The following CHCHD6 variants were observed in gnomAD, a reference collection of about 807,000 sequenced individuals.
CHCHD6 encodes the protein MICOS complex subunit MIC25.
CHCHD6 carries 28 observed loss-of-function variants against 32.3 expected under a neutral mutation model. That is an observed-to-expected ratio of 0.87 (90% confidence interval 0.64 to 1.19). The LOEUF is 1.19. CHCHD6 is among the 50% of genes most tolerant of loss of function. CHCHD6 has a pLI of 0.00. For synonymous variants in CHCHD6, 122 were observed against 117.5 expected, an observed-to-expected ratio of 1.04 and a Z score of -0.25; for missense variants, 333 against 307.0, an observed-to-expected ratio of 1.08 and a Z score of -0.63.
At chr3:126,872,393 A>C (rs1354268314) in intron 5 of CHCHD6, among the ~76,000 whole-genome samples, 1 of 152,150 alleles carries the variant, frequency 6.6e-6, no homozygotes, top group African/African-American at 2.4e-5. Context: ...TGCCAAGATG[A>C]AGAGATCCTA....
At chr3:126,771,569 T>C (rs576227599) in intron 4 of CHCHD6, among the ~76,000 whole-genome samples, 1 of 152,366 alleles carries the variant, frequency 6.6e-6, no homozygotes, top group South Asian at 2.1e-4. Flanking sequence ...GTCTATCTTA[T>C]TTATTTTTTC....
At chr3:126,897,532 G>A (rs888532374) in intron 5 of CHCHD6, among the ~76,000 whole-genome samples, 8 of 152,218 alleles carry the variant, frequency 5.3e-5, no homozygotes, top group African/African-American at 1.9e-4. Context: ...TGCAGAAAGT[G>A]TAGGCAGTTC....
At chr3:126,956,695 TTATCTA>T (rs10561277) in intron 6 of CHCHD6, among the ~76,000 whole-genome samples, 4,525 of 152,158 alleles carry the variant, frequency 0.03, 149 homozygotes, top group East Asian at 0.15. Context: ...TGACTTTAGT[TTATCTA>T]TATTTGCTCT....
At chr3:126,718,657 G>A (rs922115529) in intron 1 of CHCHD6, among the ~76,000 whole-genome samples, 3 of 152,166 alleles carry the variant, frequency 2.0e-5, no homozygotes, top group Non-Finnish European at 4.4e-5. Context: ...GCTGGAGGGT[G>A]GGCAGAGCTC....
At chr3:126,768,776 G>T (rs573010040) in intron 4 of CHCHD6, among the ~76,000 whole-genome samples, 1 of 152,202 alleles carries the variant, frequency 6.6e-6, no homozygotes, top group South Asian at 2.1e-4. Flanking sequence ...GTGTAAGATG[G>T]TATCTCATTT....
chr3:126,815,643 G>C (rs1318735973), intron 4 of CHCHD6, among the ~76,000 whole-genome samples: 2 of 127,634 alleles, frequency 1.6e-5, no homozygotes, highest in Admixed American at 7.9e-5. Context: ...GTGGGTTCTT[G>C]CCCCCCCCCC....
chr3:126,936,219 T>C (rs1004896637), intron 6 of CHCHD6, among the ~76,000 whole-genome samples: 7 of 152,210 alleles, frequency 4.6e-5, no homozygotes, highest in African/African-American at 1.7e-4. Context: ...GACAAGTGGC[T>C]CAACTGTGCT....
intron 4 of CHCHD6, among the ~76,000 whole-genome samples, chr3:126,795,049 A>T (rs1938728236): frequency 6.6e-6 from 1 of 152,124 alleles, no homozygotes. Context: ...ACAAGGAGGT[A>T]TGCCTCTCCT....
chr3:126,950,819 G>A (rs1437099139), intron 6 of CHCHD6, among the ~76,000 whole-genome samples: 1 of 152,214 alleles, frequency 6.6e-6, no homozygotes, highest in Non-Finnish European at 1.5e-5. Context: ...AGGAGAGGGT[G>A]TTCAGAAGCT....
At chr3:126,857,528 C>G (rs1380273474) in intron 5 of CHCHD6, among the ~76,000 whole-genome samples, 1 of 152,170 alleles carries the variant, frequency 6.6e-6, no homozygotes, top group East Asian at 1.9e-4. Flanking sequence ...ATCCCGAGAG[C>G]CCTGCTGTTT....
rs71327775 is a variant in CHCHD6, at chr3:126,897,780, C to A, written c.496-16900C>A. On this transcript the variant is annotated intron_variant, in intron 5 of 7. Coordinates refer to ENST00000290913, the MANE Select transcript of CHCHD6 (RefSeq NM_032343.3). ...TGTCCCCCTAGGCCCTTTGGCTCCC[C>A]ATTTGCTCTGCCTGGAATGCTGTTC... Among the ~76,000 whole-genome samples, 588 of 152,362 alleles carry A rather than the reference C, an allele frequency of 3.9e-3. 3 individuals are homozygous for A. The highest frequency in any genetic ancestry group is 7.1e-3 in the Admixed American group (108 of 15,300).
intron 6 of CHCHD6, among the ~76,000 whole-genome samples, chr3:126,925,717 G>A (rs1366125427): frequency 2.0e-5 from 3 of 152,174 alleles, no homozygotes; most frequent in Non-Finnish European, 4.4e-5. Context: ...CTTAGAGCAG[G>A]GAGGCCTTCC....
rs564747997 is a variant in CHCHD6 at position 126,737,840 on chromosome 3, A to G, written c.411+4618A>G. Among the ~76,000 whole-genome samples, 916 of 150,514 alleles carry G rather than the reference A, an allele frequency of 6.1e-3. 3 individuals carry two copies. Among genetic ancestry groups the G allele is most frequent in the Non-Finnish European group, 0.011 (727 of 67,938 alleles). ...GGCAGGGTGTGGCGGTGGGGAGGCT[A>G]GAGGGGCCCACAGTGTAGGTGCGGT... On this transcript the variant is annotated intron_variant, in intron 4 of 7. Transcript: ENST00000290913.
intron 6 of CHCHD6, among the ~76,000 whole-genome samples, chr3:126,934,746 T>C (rs1288717430): frequency 6.6e-6 from 1 of 151,938 alleles, no homozygotes; most frequent in Non-Finnish European, 1.5e-5. Context: ...AGATGGGGTT[T>C]CACCATGTTA....
chr3:126,764,298 C>G (rs192663122), intron 4 of CHCHD6, among the ~76,000 whole-genome samples: 1 of 150,724 alleles, frequency 6.6e-6, no homozygotes, highest in Non-Finnish European at 1.5e-5. Flanking sequence ...TCTTTGATTC[C>G]CCTTCATGCT....
chr3:126,887,475 G>A (rs933963997), intron 5 of CHCHD6, among the ~76,000 whole-genome samples: 6 of 152,224 alleles, frequency 3.9e-5, no homozygotes, highest in Middle Eastern at 3.4e-3. Context: ...GTGGAGGCTC[G>A]TGTGGGAAGA....
chr3:126,862,644 T>C (rs888269315), intron 5 of CHCHD6, among the ~76,000 whole-genome samples: 573 of 3,418 alleles, frequency 0.17, no homozygotes, highest in Middle Eastern at 0.33. Flanking sequence ...CCTCACCCTC[T>C]TCCACCATCA....
chr3:126,725,592 T>G (rs1935492089), intron 1 of CHCHD6, among the ~76,000 whole-genome samples: 1 of 152,214 alleles, frequency 6.6e-6, no homozygotes, highest in African/African-American at 2.4e-5. Flanking sequence ...CCTTTGAAGG[T>G]TTGAAGCCAG....
At position 126,727,175 on chromosome 3, in the gene CHCHD6, C is replaced by A; in HGVS notation, c.185C>A (p.Ala62Asp). 6.2e-7 allele frequency: 1 copy of A among 1,607,394 alleles called. No individual in the cohort carries two copies. Among genetic ancestry groups the A allele is most frequent in the Non-Finnish European group, 8.5e-7 (1 of 1,173,884 alleles). Residue 62 changes from alanine to aspartate, a missense_variant, in exon 2 of 8, where the codon GCC becomes GAC. Coordinates refer to ENST00000290913, the MANE Select transcript of CHCHD6 (RefSeq NM_032343.3). ...TFGLQDGNLRAPHKESTLPRS... is the reference protein window; with the variant it reads ...TFGLQDGNLRDPHKESTLPRS... ...GGCCTTCAAGATGGCAACTTGAGAG[C>A]CCCTCACAAAGGTATGGGGATTGTG...
Sources: allele counts gnomAD v4.1 joint callset (sites outside exome capture counted in the v4.1 genomes callset), GRCh38; gene constraint gnomAD v4.1.1; transcripts MANE v1.5; gene names NCBI Gene and HGNC (gene_info 2026-07-23, HGNC 2026-07-21).